Variants in INPP4A observed in about 807,000 individuals in gnomAD.
INPP4A encodes inositol polyphosphate-4-phosphatase, type I, 107kD.
A neutral mutation model predicts 119.8 loss-of-function variants in INPP4A; 33 were observed. The ratio of observed to expected loss-of-function variants is 0.28; its 90% CI spans 0.21 to 0.37. INPP4A has a LOEUF of 0.37. Among genes scored for constraint, INPP4A ranks in the 10% least tolerant of loss-of-function variants. INPP4A has a pLI of 1.00. For synonymous variants in INPP4A, 496 were observed against 500.7 expected (o/e 0.99, Z 0.12); for missense variants, 956 against 1,289.9 (o/e 0.74, Z 3.97).
chr2:98,518,034 T>G (rs527545301), intron 1 of INPP4A, among the ~76,000 whole-genome samples: 1 of 152,378 alleles, frequency 6.6e-6, no homozygotes, highest in South Asian at 2.1e-4. Flanking sequence ...TTTCAAAATG[T>G]TTACCATGTG....
In INPP4A at chr2:98,523,640, C is replaced by T. The variant is rs563417933; in HGVS notation, c.151+2909C>T. On this transcript the variant is annotated intron_variant, in intron 4 of 24. Coordinates refer to ENST00000409851, the MANE Select transcript of INPP4A (RefSeq NM_001134225.2). The stretch of plus-strand genomic sequence containing the variant: ...CGATCTCCTGACCTCGTGATCTGCC[C>T]GCCTCGGCCTCCCAAAGTGCTGGGA... Among the ~76,000 whole-genome samples the T allele has an allele frequency of 2.0e-4, 30 of 152,198 alleles. No homozygotes were observed. The East Asian group carries it at 2.1e-3, about 11-fold the overall frequency.
chr2:98,531,160 T>A (rs1458265391), intron 4 of INPP4A, among the ~76,000 whole-genome samples: 1 of 152,174 alleles, frequency 6.6e-6, no homozygotes, highest in Non-Finnish European at 1.5e-5. Context: ...TTTCAACACA[T>A]AAATTTTGGG....
intron 1 of INPP4A, among the ~76,000 whole-genome samples, chr2:98,507,956 G>A (rs1210799898): frequency 1.3e-5 from 2 of 152,164 alleles, no homozygotes; most frequent in East Asian, 1.9e-4. Flanking sequence ...TGATGGCATC[G>A]TCACTGCATC....
intron 4 of INPP4A, chr2:98,521,069 G>A (rs1687093799): frequency 1.3e-5 from 3 of 232,612 alleles, no homozygotes; most frequent in Non-Finnish European, 2.5e-5. Context: ...GGAAAGGGAA[G>A]GAGGGGTTGG....
chr2:98,464,789 T>G (rs1043273894), intron 1 of INPP4A, among the ~76,000 whole-genome samples: 1 of 152,174 alleles, frequency 6.6e-6, no homozygotes, highest in African/African-American at 2.4e-5. Context: ...AACTGAATGT[T>G]GAAGACAAGG....
chr2:98,574,845 A>T (rs1698151341), intron 23 of INPP4A, among the ~76,000 whole-genome samples: 1 of 152,138 alleles, frequency 6.6e-6, no homozygotes. Flanking sequence ...AAGTATAGGG[A>T]CAACTGACCA....
In INPP4A at chr2:98,584,520, G is replaced by A. The variant is rs540861831; in HGVS notation, c.2787-2956G>A. The stretch of plus-strand genomic sequence containing the variant: ...CTGCCCCATAGCACAGAGAAGCTGC[G>A]GCCAGGCCGAGGAGCCCCTCCCAGG... On this transcript the variant is annotated intron_variant, in intron 24 of 24. Coordinates refer to ENST00000409851, the MANE Select transcript of INPP4A (RefSeq NM_001134225.2). Among the ~76,000 whole-genome samples the A allele has an allele frequency of 3.3e-5, 5 of 152,348 alleles. No homozygotes were observed. In the East Asian group the frequency reaches 7.7e-4, roughly 24 times the overall value.
intron 1 of INPP4A, among the ~76,000 whole-genome samples, chr2:98,498,755 G>A (rs934660902): frequency 5.9e-5 from 9 of 152,176 alleles, no homozygotes; most frequent in African/African-American, 1.7e-4. Flanking sequence ...GGACATAAAA[G>A]TAGAACCCTA....
chr2:98,547,565 T>C (rs986273469), intron 13 of INPP4A, among the ~76,000 whole-genome samples: 2 of 152,128 alleles, frequency 1.3e-5, no homozygotes, highest in African/African-American at 4.8e-5. Flanking sequence ...TGAGTGTAGA[T>C]GACCAGTAAG....
chr2:98,521,937 A>G (rs1024889836), intron 4 of INPP4A, among the ~76,000 whole-genome samples: 5 of 152,126 alleles, frequency 3.3e-5, no homozygotes, highest in African/African-American at 1.2e-4. Context: ...AATAAAAAAG[A>G]AACAAAAAAT....
chr2:98,489,908 C>T (rs1175401089), intron 1 of INPP4A, among the ~76,000 whole-genome samples: 1 of 126,740 alleles, frequency 7.9e-6, no homozygotes, highest in Admixed American at 9.8e-5. Context: ...TCTGCCTTTT[C>T]TTCTCCTTCC....
chr2:98,485,632 C>A (rs1288751448), intron 1 of INPP4A, among the ~76,000 whole-genome samples: 2 of 152,044 alleles, frequency 1.3e-5, no homozygotes, highest in Non-Finnish European at 2.9e-5. Flanking sequence ...GAGAACCCAG[C>A]TGAGAGTTCC....
intron 4 of INPP4A, among the ~76,000 whole-genome samples, chr2:98,525,433 A>G (rs1318312863): frequency 6.6e-6 from 1 of 152,214 alleles, no homozygotes; most frequent in Non-Finnish European, 1.5e-5. Context: ...CCCTTTTGCC[A>G]TGTAATGTAA....
intron 4 of INPP4A, among the ~76,000 whole-genome samples, chr2:98,526,824 G>A (rs1025818508): frequency 1.3e-5 from 2 of 152,164 alleles, no homozygotes; most frequent in African/African-American, 2.4e-5. Flanking sequence ...AAGGAAAAGC[G>A]GGAGCGAGCA....
At chr2:98,500,585 C>T (rs77931525) in intron 1 of INPP4A, among the ~76,000 whole-genome samples, 1,737 of 152,170 alleles carry the variant, frequency 0.011, 32 homozygotes, top group African/African-American at 0.04. Flanking sequence ...CAATACAGCA[C>T]GGGCAAGTGG....
At chr2:98,544,725 A>C (rs545448692) in intron 11 of INPP4A, among the ~76,000 whole-genome samples, 2 of 152,340 alleles carry the variant, frequency 1.3e-5, no homozygotes, top group South Asian at 4.1e-4. Flanking sequence ...ATTCTTTTAC[A>C]TAATGGAATT....
At chr2:98,456,313 A>C (rs1342510470) in intron 1 of INPP4A, among the ~76,000 whole-genome samples, 1 of 152,168 alleles carries the variant, frequency 6.6e-6, no homozygotes, top group African/African-American at 2.4e-5. Flanking sequence ...GGAGGTTGCC[A>C]TTGCTAAAAG....
intron 1 of INPP4A, among the ~76,000 whole-genome samples, chr2:98,501,537 G>GCC (rs1172607298): frequency 6.6e-6 from 1 of 151,768 alleles, no homozygotes; most frequent in African/African-American, 2.4e-5. Flanking sequence ...AACCCCCCCA[G>GCC]CCCCCCATTC....
intron 1 of INPP4A, among the ~76,000 whole-genome samples, chr2:98,471,765 C>T (rs927440143): frequency 4.6e-5 from 7 of 152,214 alleles, no homozygotes; most frequent in Admixed American, 2.0e-4. Flanking sequence ...GCCCCCTAGC[C>T]GCCAGGAGTG....
Sources: allele counts gnomAD v4.1 joint callset (sites outside exome capture counted in the v4.1 genomes callset), GRCh38; gene constraint gnomAD v4.1.1; transcripts MANE v1.5; gene names NCBI Gene and HGNC (gene_info 2026-07-23, HGNC 2026-07-21).